RHPN2: variants seen among roughly 807,000 people sequenced by gnomAD.
RHPN2 encodes rhophilin-2.
Under a neutral mutation model 79.0 loss-of-function variants are expected in RHPN2, and 40 were observed. That is an observed-to-expected ratio of 0.51 (90% confidence interval 0.39 to 0.66). RHPN2 has a LOEUF of 0.66. RHPN2 is among the 30% of genes least tolerant of loss of function. The pLI is 0.00. For missense variants in RHPN2, 686 were observed against 883.5 expected (o/e 0.78, Z 2.83); for synonymous variants, 285 against 363.5 (o/e 0.78, Z 2.46).
chr19:33,052,356 T>C (rs1310710158), intron 1 of RHPN2, among the ~76,000 whole-genome samples: 1 of 152,158 alleles, frequency 6.6e-6, no homozygotes, highest in Non-Finnish European at 1.5e-5. Flanking sequence ...ATGTGCAAGC[T>C]TGGGATCTAA....
At position 33,007,995 on chromosome 19, in the gene RHPN2, A is replaced by T; in HGVS notation, c.760+19T>A. The stretch of plus-strand genomic sequence containing the variant: ...GGTGGGGCCAAGGCTCCGTCTGGTC[A>T]GCCCTGGAGGAGACATACCTGCGGC... On this transcript the variant is annotated intron_variant, in intron 7 of 14. Transcript: ENST00000254260. 6.2e-7 allele frequency: 1 copy of T among 1,611,852 alleles called. No individual in the cohort carries two copies. Among genetic ancestry groups the T allele is most frequent in the Non-Finnish European group, 8.5e-7 (1 of 1,179,782 alleles).
chr19:33,044,199 G>T, intron 2 of RHPN2, 50 bp downstream of exon 2: 1 of 1,387,828 alleles, frequency 7.2e-7, no homozygotes, highest in Non-Finnish European at 1.0e-6. Context: ...GGAGTTTAGG[G>T]AACAGATGAC....
chr19:33,024,331 G>A (rs1741586251), intron 3 of RHPN2, among the ~76,000 whole-genome samples: 1 of 152,174 alleles, frequency 6.6e-6, no homozygotes, highest in South Asian at 2.1e-4. Context: ...TACTCAGGAG[G>A]CTGAGGCAGG....
At chr19:33,045,765 C>T (rs539309299) in intron 1 of RHPN2, among the ~76,000 whole-genome samples, 2 of 152,182 alleles carry the variant, frequency 1.3e-5, no homozygotes, top group South Asian at 2.1e-4. Flanking sequence ...CGAGCCACCA[C>T]GCCCATCAAC....
intron 2 of RHPN2, among the ~76,000 whole-genome samples, chr19:33,038,028 C>T (rs1972072416): frequency 6.6e-6 from 1 of 151,946 alleles, no homozygotes; most frequent in Non-Finnish European, 1.5e-5. Context: ...CATAGGGAGA[C>T]CCAGTCTCTA....
chr19:33,012,993 A>G (rs1971847567), intron 4 of RHPN2, among the ~76,000 whole-genome samples: 3 of 151,690 alleles, frequency 2.0e-5, no homozygotes, highest in Admixed American at 2.0e-4. Flanking sequence ...CTCCTTCCTC[A>G]GCCTCTCAAG....
At chr19:33,000,221 AT>A (rs11335915) in intron 9 of RHPN2, among the ~76,000 whole-genome samples, 98,915 of 130,402 alleles carry the variant, frequency 0.76, 37,491 homozygotes, top group African/African-American at 0.87. Flanking sequence ...GAGGTTCATA[AT>A]TTTTTTTTTT....
intron 6 of RHPN2, among the ~76,000 whole-genome samples, chr19:33,010,296 ATCT>A (rs1971825235): frequency 1.3e-5 from 2 of 151,896 alleles, no homozygotes; most frequent in African/African-American, 4.8e-5. Context: ...TATGCCCCTG[ATCT>A]TCTAGGATGT....
At chr19:33,064,755 T>TGGGGGGCCCCC in intron 1 of RHPN2, 29 bp downstream of exon 1, 4 of 1,427,944 alleles carry the variant, frequency 2.8e-6, no homozygotes, top group South Asian at 1.2e-5. Flanking sequence ...AGCCCGCAGG[T>TGGGGGGCCCCC]CCCCGCCCGC....
intron 14 of RHPN2, among the ~76,000 whole-genome samples, chr19:32,982,410 AAATAAATAAAT>A (rs1971581889): frequency 1.3e-5 from 2 of 152,036 alleles, no homozygotes; most frequent in African/African-American, 4.8e-5. Flanking sequence ...CTATTGCAAA[AAATAAATAAAT>A]AATAAATAAA....
chr19:32,985,965 C>T (rs1308254679), intron 14 of RHPN2, among the ~76,000 whole-genome samples: 2 of 152,232 alleles, frequency 1.3e-5, no homozygotes, highest in East Asian at 3.9e-4. Flanking sequence ...TTAAAGAGGA[C>T]CTGCTAGGTG....
At chr19:33,042,189 C>CA (rs111551787) in intron 2 of RHPN2, among the ~76,000 whole-genome samples, 1,896 of 129,346 alleles carry the variant, frequency 0.015, 48 homozygotes, top group African/African-American at 0.041. Flanking sequence ...AACTCCATCT[C>CA]AAAAAAAAAA....
At chr19:33,035,826 A>T (rs1457033388) in intron 2 of RHPN2, among the ~76,000 whole-genome samples, 1 of 152,164 alleles carries the variant, frequency 6.6e-6, no homozygotes, top group Admixed American at 6.6e-5. Context: ...TTTAAAGATA[A>T]TAATATCGGG....
chr19:32,983,265 C>T (rs1971590366), intron 14 of RHPN2, among the ~76,000 whole-genome samples: 1 of 152,050 alleles, frequency 6.6e-6, no homozygotes, highest in African/African-American at 2.4e-5. Context: ...GTAATCCCAG[C>T]ACTTTGGGAG....
At chr19:33,057,537 G>A (rs760433912) in intron 1 of RHPN2, among the ~76,000 whole-genome samples, 5 of 150,976 alleles carry the variant, frequency 3.3e-5, no homozygotes, top group African/African-American at 1.2e-4. Flanking sequence ...AAAATTAGCC[G>A]GGCATGATGG....
intron 4 of RHPN2, among the ~76,000 whole-genome samples, chr19:33,017,952 A>G (rs1971891467): frequency 6.6e-6 from 1 of 151,700 alleles, no homozygotes. Context: ...TCAGGAGTTC[A>G]AGATCAGCCT....
chr19:33,014,725 G>C (rs1488188235), intron 4 of RHPN2, among the ~76,000 whole-genome samples: 2 of 152,106 alleles, frequency 1.3e-5, no homozygotes, highest in Non-Finnish European at 2.9e-5. Flanking sequence ...TTCCAGACCA[G>C]CCTGGCCAAC....
In RHPN2 at chr19:33,011,735, G is replaced by C. The variant is rs199535377; in HGVS notation, c.537C>G (p.Gly179=). 5.2e-5 allele frequency: 84 copies of C among 1,613,930 alleles called. 1 individual carries two copies. The East Asian group carries it at 1.8e-3, about 34-fold the overall frequency. ...ELLMTYFIQL[G]FVESRFFPPT... is the part of the protein sequence containing the mutation. ...GCGGGAAGAATCGACTCTCGACAAAGCCCAGCTGGATGAAGTATGTCATCA... is the reference window on the plus strand; with the variant it reads ...GCGGGAAGAATCGACTCTCGACAAACCCCAGCTGGATGAAGTATGTCATCA... Residue 179 remains glycine (G), a synonymous_variant, in exon 6 of 15, where the codon GGC becomes GGG. Coordinates refer to ENST00000254260, the MANE Select transcript of RHPN2 (RefSeq NM_033103.5).
chr19:33,034,689 G>A (rs1455698018), intron 2 of RHPN2, among the ~76,000 whole-genome samples: 2 of 148,978 alleles, frequency 1.3e-5, no homozygotes, highest in African/African-American at 4.9e-5. Context: ...GCTGAGGCAG[G>A]AGAATCGCTT....
Sources: allele counts gnomAD v4.1 joint callset (sites outside exome capture counted in the v4.1 genomes callset), GRCh38; gene constraint gnomAD v4.1.1; transcripts MANE v1.5; gene names NCBI Gene and HGNC (gene_info 2026-07-23, HGNC 2026-07-21).